The following ZNF563 variants were observed in gnomAD, a reference collection of about 807,000 sequenced individuals.
The protein encoded by ZNF563 is zinc finger protein 563.
ZNF563 carries 39 observed loss-of-function variants against 48.5 expected under a neutral mutation model. That is an observed-to-expected ratio of 0.80 (90% CI 0.62 to 1.05). The LOEUF is 1.05. Among genes scored for constraint, ZNF563 ranks in the 50% least tolerant of loss-of-function variants. The pLI, the probability that ZNF563 is intolerant of heterozygous loss-of-function variation, is 0.00. For synonymous variants in ZNF563, 168 were observed against 187.9 expected (o/e 0.89, Z 0.87); for missense variants, 538 against 597.0 (o/e 0.90, Z 1.03).
chr19:12,334,868 CAAAAA>C (rs35412288), upstream of ZNF563, among the ~76,000 whole-genome samples: 1,505 of 44,874 alleles, frequency 0.034, 20 homozygotes, highest in African/African-American at 0.13. Context: ...GACCTGGTCT[CAAAAA>C]AAAAAAAAAA....
chr19:12,338,629 G>A (rs1021295048), upstream of ZNF563, among the ~76,000 whole-genome samples: 1 of 152,114 alleles, frequency 6.6e-6, no homozygotes, highest in Non-Finnish European at 1.5e-5. Context: ...CGAAGTGGGA[G>A]GATCACCTGA....
chr19:12,320,188 AT>A (rs1465794708), intron 3 of ZNF563, among the ~76,000 whole-genome samples: 1 of 152,076 alleles, frequency 6.6e-6, no homozygotes, highest in Non-Finnish European at 1.5e-5. Context: ...AAGTGCTGGG[AT>A]TACAGAAGTG....
upstream of ZNF563, among the ~76,000 whole-genome samples, chr19:12,336,522 G>A (rs1969022621): frequency 6.6e-6 from 1 of 152,218 alleles, no homozygotes; most frequent in Non-Finnish European, 1.5e-5. Context: ...AACCCAGGAG[G>A]TGGAGGTTGT....
At chr19:12,343,032 C>A in the ZNF563 span, among the ~76,000 whole-genome samples, 2 of 150,904 alleles carry the variant, frequency 1.3e-5, no homozygotes, top group Non-Finnish European at 3.0e-5. Flanking sequence ...CCTGTCTCTA[C>A]TAAAAATACA....
intron 1 of ZNF563, 23 bp downstream of exon 1, chr19:12,333,457 G>A (rs1568479982): frequency 6.2e-7 from 1 of 1,613,388 alleles, no homozygotes; most frequent in East Asian, 2.2e-5. Flanking sequence ...CCACTTTTGG[G>A]ACGCCTGACC....
chr19:12,319,054 A>AATC lies in ZNF563; in HGVS notation c.970_971insGAT (p.Ser323_Phe324insTer). 6.2e-7 allele frequency: 1 copy of AATC among 1,614,098 alleles called. No individual in the cohort carries two copies. The highest frequency in any genetic ancestry group is 1.7e-5 in the Admixed American group (1 of 59,996). The stretch of plus-strand genomic sequence containing the variant: ...AGTGTGCCTTTTCATGTGTATCTGA[A>AATC]AGCTTCCAAGATGATGAAATGTTTT... On this transcript the variant is annotated stop_gained, in exon 4 of 4. Coordinates refer to ENST00000293725, the MANE Select transcript of ZNF563 (RefSeq NM_145276.3). LOFTEE classifies it high-confidence loss of function.
chr19:12,321,397 A>G (rs1968620546), intron 2 of ZNF563, 65 bp from the exon 3 acceptor site: 2 of 1,011,250 alleles, frequency 2.0e-6, no homozygotes, highest in East Asian at 2.9e-5. Context: ...GTAAGATTTT[A>G]TGTATACTGC....
chr19:12,318,285 G>C lies in ZNF563; in HGVS notation c.*309C>G. 2.6e-6 allele frequency: 1 copy of C among 386,972 alleles called. No homozygotes were observed. The highest frequency in any genetic ancestry group is 4.7e-6 in the Non-Finnish European group (1 of 213,562). 24.0% of individuals were successfully genotyped at this position (386,972 alleles called of 1,614,324 possible). ...TGGGATTACAGGCGTGAGCCACTGTGCCCAGCCTCATGTACTTTTAAGTTA... is the reference window on the plus strand; with the variant it reads ...TGGGATTACAGGCGTGAGCCACTGTCCCCAGCCTCATGTACTTTTAAGTTA... On this transcript the variant is annotated 3_prime_UTR_variant, in exon 4 of 4. Coordinates refer to ENST00000293725, the MANE Select transcript of ZNF563 (RefSeq NM_145276.3).
At chr19:12,346,289 T>G in the ZNF563 span, 1 of 152,124 alleles carries the variant, frequency 6.6e-6, no homozygotes, top group Non-Finnish European at 1.5e-5. Flanking sequence ...CAAAGGATTT[T>G]AAAACAAACT....
At chr19:12,332,899 C>T (rs75124903) in intron 1 of ZNF563, among the ~76,000 whole-genome samples, 1,846 of 152,262 alleles carry the variant, frequency 0.012, 31 homozygotes, top group African/African-American at 0.042. Context: ...TATTTTACCC[C>T]GGCGTTACCG....
In ZNF563 at chr19:12,322,729, G is replaced by A; in HGVS notation, c.4-18C>T. On this transcript the variant is annotated intron_variant, in intron 1 of 3. Coordinates refer to ENST00000293725, the MANE Select transcript of ZNF563 (RefSeq NM_145276.3). ...ACTGCGTCCTGAAACATCCCACATA[G>A]ATAGAGGAGAAAGGTTGAGTGACAG... 2 of 1,578,520 alleles carry A rather than the reference G, an allele frequency of 1.3e-6. No individual in the cohort carries two copies. Among genetic ancestry groups the A allele is most frequent in the South Asian group, 1.1e-5 (1 of 88,038 alleles).
At chr19:12,344,025 A>G in the ZNF563 span, among the ~76,000 whole-genome samples, 7,391 of 151,400 alleles carry the variant, frequency 0.049, 592 homozygotes, top group African/African-American at 0.17. Flanking sequence ...CACTGCGCCC[A>G]GCCTATTGAA....
At chr19:12,344,317 C>T in the ZNF563 span, among the ~76,000 whole-genome samples, 7,209 of 149,690 alleles carry the variant, frequency 0.048, 580 homozygotes, top group African/African-American at 0.17. Context: ...CACCTGAGCC[C>T]GCACCACTCC....
the ZNF563 span, among the ~76,000 whole-genome samples, chr19:12,344,318 G>C: frequency 3.4e-5 from 5 of 146,048 alleles, no homozygotes; most frequent in African/African-American, 1.3e-4. Flanking sequence ...ACCTGAGCCC[G>C]CACCACTCCA....
At chr19:12,320,967 C>T (rs544453297) in intron 3 of ZNF563, among the ~76,000 whole-genome samples, 1 of 152,068 alleles carries the variant, frequency 6.6e-6, no homozygotes, top group Admixed American at 6.6e-5. Context: ...TGCCAAAACC[C>T]TGTCTCTACA....
chr19:12,342,754 T>C, the ZNF563 span, among the ~76,000 whole-genome samples: 6 of 141,538 alleles, frequency 4.2e-5, no homozygotes, highest in Admixed American at 2.9e-4. Context: ...GCCTGAATGA[T>C]AGAGTGAGAT....
chr19:12,322,468 T>C, intron 2 of ZNF563, 117 bp downstream of exon 2: 1 of 1,132,706 alleles, frequency 8.8e-7, no homozygotes, highest in South Asian at 1.6e-5. Context: ...CTCTGAATTC[T>C]GTGTTGTTCA....
chr19:12,336,753 A>G (rs1423926801), upstream of ZNF563, among the ~76,000 whole-genome samples: 4 of 152,316 alleles, frequency 2.6e-5, no homozygotes, highest in African/African-American at 7.2e-5. Flanking sequence ...CCTGACCTTC[A>G]TAGCTCAGGG....
intron 1 of ZNF563, among the ~76,000 whole-genome samples, chr19:12,328,226 C>T (rs1968839890): frequency 6.6e-6 from 1 of 152,230 alleles, no homozygotes; most frequent in Admixed American, 6.5e-5. Context: ...GTGGCTCACA[C>T]CTGTGGTGCC....
Sources: allele counts gnomAD v4.1 joint callset (sites outside exome capture counted in the v4.1 genomes callset), GRCh38; gene constraint gnomAD v4.1.1; transcripts MANE v1.5; gene names NCBI Gene and HGNC (gene_info 2026-07-23, HGNC 2026-07-21).